The following UBA1 variants were observed in gnomAD, a reference collection of about 807,000 sequenced individuals.
UBA1 encodes ubiquitin like modifier activating enzyme 1, also known as ubiquitin-like modifier-activating enzyme 1.
In UBA1, 4 loss-of-function variants were observed where a neutral mutation model predicts 84.7. The observed-to-expected ratio is 0.05, with a 90% confidence interval of 0.02 to 0.11. UBA1 has a LOEUF of 0.11. Among genes scored for constraint, UBA1 ranks in the 10% least tolerant of loss-of-function variants. The pLI, the probability that UBA1 is intolerant of heterozygous loss-of-function variation, is 1.00. For missense variants in UBA1, 513 were observed against 902.8 expected, an observed-to-expected ratio of 0.57 and a Z score of 5.53; for synonymous variants, 364 against 362.6, an observed-to-expected ratio of 1.00 and a Z score of -0.04.
At chrX:47,203,513 T>C (rs2147263462) in intron 13 of UBA1, 28 bp from the exon 14 acceptor site, 1 of 1,211,142 alleles carries the variant, frequency 8.3e-7, no homozygotes, top group East Asian at 3.0e-5. Flanking sequence ...CTGACCAGCC[T>C]CTGCCTGTCT....
upstream of UBA1, among the ~76,000 whole-genome samples, chrX:47,193,049 C>T (rs781882264): frequency 9.0e-6 from 1 of 111,006 alleles, no homozygotes; most frequent in East Asian, 2.8e-4. Context: ...GAGTACACGT[C>T]CCCTGGGTTT....
At chrX:47,203,449 C>T (rs1369549681) in intron 13 of UBA1, 92 bp from the exon 14 acceptor site, 22 of 1,084,910 alleles carry the variant, frequency 2.0e-5, no homozygotes, top group South Asian at 9.4e-5. Context: ...CCCCTCTCCC[C>T]GTCTCTCAGG....
At position 47,214,858 on chromosome X, in the gene UBA1, C is replaced by T. The variant is rs1322423075; in HGVS notation, c.3106C>T (p.Leu1036Phe). 1 of 1,210,517 alleles carries T rather than the reference C, an allele frequency of 8.3e-7. No individual in the cohort carries two copies. The highest frequency in any genetic ancestry group is 1.1e-6 in the Non-Finnish European group (1 of 895,387). Residue 1036 changes from leucine (L) to phenylalanine (F), a missense_variant, in exon 26 of 26, where the codon CTT (leucine) becomes TTT (phenylalanine). Transcript: ENST00000335972. Reference protein sequence around the residue: ...KLGRHVRALVLELCCNDESGE... With the variant: ...KLGRHVRALVFELCCNDESGE... ...GGGCCGCCACGTGCGGGCGCTGGTG[C>T]TTGAGCTGTGCTGTAACGACGAGAG...
At chrX:47,199,001 C>T (rs782516251) in intron 2 of UBA1, 47 bp from the exon 3 acceptor site, 2 of 1,206,634 alleles carry the variant, frequency 1.7e-6, no homozygotes, top group Admixed American at 4.3e-5. Context: ...TATCCATGCT[C>T]CACTCCTGTG....
intron 5 of UBA1, among the ~76,000 whole-genome samples, chrX:47,200,548 G>T (rs1936364975): frequency 9.0e-6 from 1 of 111,716 alleles, no homozygotes; most frequent in Non-Finnish European, 1.9e-5. Context: ...GAAGCAGGTG[G>T]GTGTGGTAGG....
chrX:47,203,015 A>G lies in UBA1; in HGVS notation c.1306A>G (p.Lys436Glu). 8.3e-7 allele frequency: 1 copy of G among 1,210,933 alleles called. No individual in the cohort carries two copies. The highest frequency in any genetic ancestry group is 1.1e-6 in the Non-Finnish European group (1 of 894,510). Residue 436 changes from lysine (K) to glutamate (E), a missense_variant, in exon 12 of 26, where the codon AAA (lysine) becomes GAA (glutamate). Lys to Glu is a moderately conservative substitution (Grantham distance 56). This residue lies in a region of UBA1 where 227 missense variants were observed against 339.1 expected (regional missense o/e 0.67). Transcript: ENST00000335972. ...TGCCCTTGAGTGTCTCCCTGAGGAC[A>G]AAGAGGTCCTCACAGAGGACAAGTG... ...FDALECLPED[K>E]EVLTEDKCLQ...
intron 23 of UBA1, among the ~76,000 whole-genome samples, chrX:47,213,853 C>T (rs1330632056): frequency 6.6e-5 from 7 of 105,850 alleles, no homozygotes; most frequent in East Asian, 2.9e-4. Flanking sequence ...GGTGACAGAG[C>T]GAGACTGCAT....
rs1249056079 is a variant in UBA1 at position 47,214,419 on chromosome X, C to T, written c.2931C>T (p.Asp977=). ...GEEMTLKQFL[D]YFKTEHKLEI... is the part of the protein sequence containing the mutation. ...AGATGACCCTCAAACAGTTCCTCGA[C>T]TATTTTAAGGTAAGGCCCCTCCCTT... The change falls in exon 24 of 26, where the codon GAC becomes GAT. Residue 977 remains aspartate, a synonymous_variant. Transcript: ENST00000335972. 13 of 1,210,960 alleles carry T rather than the reference C, an allele frequency of 1.1e-5. No individual in the cohort carries two copies. Among genetic ancestry groups the T allele is most frequent in the Non-Finnish European group, 1.5e-5 (13 of 895,022 alleles).
At chrX:47,191,590 T>G (rs2076329610), upstream of UBA1, 1 of 111,642 alleles carries the variant, frequency 9.0e-6, no homozygotes, top group South Asian at 3.7e-4. Context: ...TAGGCGGCAG[T>G]TTTTTTGCCT....
chrX:47,203,427 A>G, intron 13 of UBA1, 114 bp from the exon 14 acceptor site: 1 of 957,005 alleles, frequency 1.0e-6, no homozygotes, highest in Non-Finnish European at 1.5e-6. Context: ...CAACCTGAAG[A>G]TGTGGTGTTA....
chrX:47,206,300 A>G lies in UBA1; in HGVS notation c.1794A>G (p.Ser598=). 8.3e-7 allele frequency: 1 copy of G among 1,210,810 alleles called. No individual in the cohort carries two copies. Among genetic ancestry groups the G allele is most frequent in the Non-Finnish European group, 1.1e-6 (1 of 894,860 alleles). Residue 598 remains serine, a synonymous_variant, in exon 16 of 26, where the codon TCA becomes TCG. Transcript: ENST00000335972. ...CVYYRKPLLE[S]GTLGTKGNVQ... is the part of the protein sequence containing the mutation. ...ACTACCGGAAGCCACTGCTGGAGTC[A>G]GGCACACTGGGCACCAAAGGCAATG...
At chrX:47,198,401 C>A in intron 1 of UBA1, 1 of 715,429 alleles carries the variant, frequency 1.4e-6, no homozygotes, top group Non-Finnish European at 1.9e-6. Flanking sequence ...AAAACTGAGG[C>A]CTGTGGCGGT....
At chrX:47,201,038 C>T (rs899868653) in intron 6 of UBA1, 38 bp downstream of exon 6, 7 of 1,100,581 alleles carry the variant, frequency 6.4e-6, no homozygotes, top group Non-Finnish European at 6.2e-6. Context: ...TCCCCTTTTC[C>T]CCCAACTCCT....
At chrX:47,202,024 T>C in intron 8 of UBA1, 132 bp from the exon 9 acceptor site, 1 of 567,838 alleles carries the variant, frequency 1.8e-6, no homozygotes, top group Non-Finnish European at 3.0e-6. Flanking sequence ...GATGTCCAAG[T>C]GGAGCCTGGA....
At chrX:47,208,073 A>G (rs1556791744) in intron 16 of UBA1, among the ~76,000 whole-genome samples, 1 of 112,473 alleles carries the variant, frequency 8.9e-6, no homozygotes, top group Non-Finnish European at 1.9e-5. Flanking sequence ...TGGAATCTGA[A>G]CCTGAATTTC....
At chrX:47,208,324 C>CGTGTGT (rs71925003) in intron 16 of UBA1, among the ~76,000 whole-genome samples, 2 of 107,236 alleles carry the variant, frequency 1.9e-5, no homozygotes, top group African/African-American at 6.8e-5. Flanking sequence ...AGTGTGTGTA[C>CGTGTGT]GTGTGTGTGT....
At chrX:47,201,188 T>C (rs1315992309) in intron 6 of UBA1, 88 bp from the exon 7 acceptor site, 12 of 908,873 alleles carry the variant, frequency 1.3e-5, no homozygotes, top group Non-Finnish European at 1.9e-5. Context: ...CTGAGTTTGC[T>C]CAGCAAGTTT....
Position 47,199,296 on chromosome X carries a change from T to C in UBA1, c.264T>C (p.Ala88=). The C allele has an allele frequency of 3.3e-6, 4 of 1,212,069 alleles. No homozygotes were observed. Among genetic ancestry groups the C allele is most frequent in the Non-Finnish European group, 4.5e-6 (4 of 895,526 alleles). The stretch of plus-strand genomic sequence containing the variant: ...TGCGGGGCCTGGGCGTGGAGATCGC[T>C]AAGAACATCATCCTTGGTGGGGTCA... ...SGLRGLGVEI[A]KNIILGGVKA... Residue 88 remains alanine, a synonymous_variant, in exon 4 of 26, where the codon GCT becomes GCC. Coordinates refer to ENST00000335972, the MANE Select transcript of UBA1 (RefSeq NM_003334.4).
At chrX:47,214,276 C>A (rs1937051996) in intron 23 of UBA1, 51 bp from the exon 24 acceptor site, 1 of 1,106,704 alleles carries the variant, frequency 9.0e-7, no homozygotes, top group African/African-American at 1.8e-5. Context: ...CAGATGGGGG[C>A]TGGACCCTCT....
Sources: gnomAD v4.1 joint callset for allele counts (sites outside exome capture counted in the v4.1 genomes callset) on GRCh38, gnomAD v4.1.1 for gene constraint, gnomAD v4.1.1 regional missense constraint, MANE v1.5 for transcripts, NCBI Gene and HGNC (gene_info 2026-07-23, HGNC 2026-07-21) for gene names.